The following TPRG1 variants were observed in gnomAD, a reference collection of about 807,000 sequenced individuals.
TPRG1 encodes the protein tumor protein p63-regulated gene 1 protein.
A neutral mutation model predicts 29.3 loss-of-function variants in TPRG1; 29 were observed. That is an observed-to-expected ratio of 0.99 (90% CI 0.74 to 1.35). TPRG1 has a LOEUF of 1.35. TPRG1 is among the 40% of genes most tolerant of loss of function. The probability of loss-of-function intolerance (pLI) is 0.00; values close to 1 mark genes in which losing one functional copy is unlikely to be tolerated. For synonymous variants in TPRG1, 130 were observed against 116.8 expected, an observed-to-expected ratio of 1.11 and a Z score of -0.73; for missense variants, 327 against 335.0, an observed-to-expected ratio of 0.98 and a Z score of 0.19.
At chr3:189,054,640 G>A (rs1022552706) in intron 4 of TPRG1, among the ~76,000 whole-genome samples, 5 of 151,808 alleles carry the variant, frequency 3.3e-5, no homozygotes, top group African/African-American at 7.3e-5. Flanking sequence ...CACAAAAGCC[G>A]GGTGTGGTGG....
At chr3:189,095,169 C>T (rs1367508408), upstream of TPRG1, among the ~76,000 whole-genome samples, 1 of 152,108 alleles carries the variant, frequency 6.6e-6, no homozygotes, top group Non-Finnish European at 1.5e-5. Flanking sequence ...GTTCTGAGTA[C>T]CTGCAAGGCT....
At chr3:189,120,701 G>T (rs2108504577) in intron 1 of TPRG1, among the ~76,000 whole-genome samples, 1 of 152,298 alleles carries the variant, frequency 6.6e-6, no homozygotes, top group Non-Finnish European at 1.5e-5. Flanking sequence ...GATGACTGAG[G>T]GTTGGTTGGC....
At chr3:189,164,844 T>G (rs1045191571) in intron 5 of TPRG1, among the ~76,000 whole-genome samples, 1 of 152,124 alleles carries the variant, frequency 6.6e-6, no homozygotes, top group Admixed American at 6.5e-5. Context: ...AGCTCCCATG[T>G]CCCCCTGGGG....
At chr3:189,279,458 A>G (rs1057172711) in intron 4 of TPRG1, among the ~76,000 whole-genome samples, 3 of 152,214 alleles carry the variant, frequency 2.0e-5, no homozygotes, top group African/African-American at 7.2e-5. Context: ...CTTTGGAGTC[A>G]GGTGGACCTT....
At chr3:189,138,027 G>C (rs1022860459) in intron 3 of TPRG1, among the ~76,000 whole-genome samples, 3 of 152,162 alleles carry the variant, frequency 2.0e-5, no homozygotes, top group Non-Finnish European at 2.9e-5. Flanking sequence ...ATAAGACATA[G>C]TGCCTGCCTC....
intron 1 of TPRG1, among the ~76,000 whole-genome samples, chr3:189,202,299 C>T (rs943981411): frequency 2.0e-5 from 3 of 152,204 alleles, no homozygotes; most frequent in Admixed American, 1.3e-4. Flanking sequence ...TGGAGAGCTA[C>T]CCCCCTCAGA....
chr3:188,997,752 C>T (rs2152121005), intron 1 of TPRG1, among the ~76,000 whole-genome samples: 1 of 152,240 alleles, frequency 6.6e-6, no homozygotes, highest in South Asian at 2.1e-4. Flanking sequence ...CATGAAGGGA[C>T]ATCCGAACAA....
intron 3 of TPRG1, among the ~76,000 whole-genome samples, chr3:189,023,170 G>A (rs1713457587): frequency 1.3e-5 from 2 of 152,338 alleles, no homozygotes; most frequent in Admixed American, 6.5e-5. Context: ...AGATGGAAAT[G>A]CAGAAATCAC....
chr3:189,120,358 C>T (rs1227221163), intron 1 of TPRG1: 1 of 151,986 alleles, frequency 6.6e-6, no homozygotes, highest in Non-Finnish European at 1.5e-5. Flanking sequence ...GAGAATATGC[C>T]CCAGTGAATC....
intron 3 of TPRG1, among the ~76,000 whole-genome samples, chr3:189,228,658 G>A (rs899721890): frequency 6.6e-6 from 1 of 152,082 alleles, no homozygotes; most frequent in Non-Finnish European, 1.5e-5. Context: ...ACATCATGCT[G>A]TTGGGTAATG....
chr3:189,200,022 C>A (rs145260481), intron 1 of TPRG1, among the ~76,000 whole-genome samples: 76 of 152,204 alleles, frequency 5.0e-4, no homozygotes, highest in African/African-American at 1.7e-3. Flanking sequence ...AGTGACCTAC[C>A]CAGGGTCACT....
intron 4 of TPRG1, among the ~76,000 whole-genome samples, chr3:189,289,348 C>T (rs1413671803): frequency 6.6e-6 from 1 of 152,080 alleles, no homozygotes; most frequent in South Asian, 2.1e-4. Context: ...TCAATCTTTG[C>T]CACATTTCTC....
chr3:189,110,712 T>C (rs908017241), intron 1 of TPRG1, among the ~76,000 whole-genome samples: 1 of 152,046 alleles, frequency 6.6e-6, no homozygotes, highest in Non-Finnish European at 1.5e-5. Flanking sequence ...AGGTTTGTGA[T>C]CCAATTTCAG....
At chr3:189,253,673 C>T (rs1489436607) in intron 4 of TPRG1, among the ~76,000 whole-genome samples, 2 of 152,118 alleles carry the variant, frequency 1.3e-5, no homozygotes, top group Admixed American at 6.5e-5. Context: ...GAGAAATTGC[C>T]ACACTGTCTT....
intron 1 of TPRG1, among the ~76,000 whole-genome samples, chr3:189,202,064 G>A (rs1440325758): frequency 6.6e-6 from 1 of 152,128 alleles, no homozygotes; most frequent in Non-Finnish European, 1.5e-5. Context: ...TGCCTTTCAA[G>A]CTGATTAGAA....
upstream of TPRG1, among the ~76,000 whole-genome samples, chr3:189,097,912 T>C (rs1457483122): frequency 6.6e-6 from 1 of 152,200 alleles, no homozygotes; most frequent in Non-Finnish European, 1.5e-5. Flanking sequence ...TTCTGTGTTT[T>C]CCCCCCTTTA....
chr3:189,322,414 A>G lies in TPRG1; in HGVS notation c.*1594A>G, dbSNP rs1288710107. ...CCTCTCTTCCGCCTTTACAGCACCCACTTTTTCTTCCCCCCATGATGGCAA... is the reference window on the plus strand; with the variant it reads ...CCTCTCTTCCGCCTTTACAGCACCCGCTTTTTCTTCCCCCCATGATGGCAA... On this transcript the variant is annotated 3_prime_UTR_variant, in exon 6 of 6. Transcript: ENST00000345063. 1.3e-5 allele frequency: 2 copies of G among 151,892 alleles called. No homozygotes were observed. The highest frequency in any genetic ancestry group is 4.9e-5 in the African/African-American group (2 of 41,172). 9.4% of individuals were successfully genotyped at this position (151,892 alleles called of 1,614,324 possible).
intron 4 of TPRG1, among the ~76,000 whole-genome samples, chr3:189,241,995 T>A (rs1740684968): frequency 6.6e-6 from 1 of 152,164 alleles, no homozygotes; most frequent in African/African-American, 2.4e-5. Context: ...TCTAAATTTA[T>A]GTCTTTTTGA....
At chr3:189,092,340 C>T (rs1481842518) in intron 4 of TPRG1, among the ~76,000 whole-genome samples, 1 of 151,998 alleles carries the variant, frequency 6.6e-6, no homozygotes, top group African/African-American at 2.4e-5. Flanking sequence ...TGTTGCTGGT[C>T]TGTGGACCAC....
Sources: gnomAD v4.1 joint callset for allele counts (sites outside exome capture counted in the v4.1 genomes callset) on GRCh38, gnomAD v4.1.1 for gene constraint, MANE v1.5 for transcripts, NCBI Gene and HGNC (gene_info 2026-07-23, HGNC 2026-07-21) for gene names.